Variants in CEP112 observed in about 807,000 individuals in gnomAD.
CEP112 encodes centrosomal protein of 112 kDa.
A neutral mutation model predicts 153.0 loss-of-function variants in CEP112; 127 were observed. That is an observed-to-expected ratio of 0.83 (90% CI 0.72 to 0.96). CEP112 has a LOEUF of 0.96. Among genes scored for constraint, CEP112 ranks in the 40% least tolerant of loss-of-function variants. The probability of loss-of-function intolerance (pLI) is 0.00; values close to 1 mark genes in which losing one functional copy is unlikely to be tolerated. For missense variants in CEP112, 1,089 were observed against 1,101.2 expected (o/e 0.99, Z 0.16); for synonymous variants, 358 against 374.4 (o/e 0.96, Z 0.51).
chr17:65,710,738 T>TCA (rs1453764553), intron 23 of CEP112, among the ~76,000 whole-genome samples: 1 of 152,188 alleles, frequency 6.6e-6, no homozygotes, highest in Non-Finnish European at 1.5e-5. Flanking sequence ...AGGCTGGATG[T>TCA]CACAGTGGGA....
intron 4 of CEP112, among the ~76,000 whole-genome samples, chr17:66,144,006 T>TGGGA (rs2070818751): frequency 6.6e-6 from 1 of 152,104 alleles, no homozygotes; most frequent in Non-Finnish European, 1.5e-5. Flanking sequence ...GGTGAGTGTG[T>TGGGA]GGGAAAGAAT....
intron 23 of CEP112, among the ~76,000 whole-genome samples, chr17:65,741,914 G>GA (rs888425725): frequency 1.6e-4 from 23 of 145,736 alleles, no homozygotes; most frequent in Non-Finnish European, 1.1e-4. Context: ...ACCAGAATAT[G>GA]AAAAAAAAAT....
At chr17:65,992,791 G>A (rs937039632) in intron 17 of CEP112, among the ~76,000 whole-genome samples, 1 of 152,088 alleles carries the variant, frequency 6.6e-6, no homozygotes, top group Non-Finnish European at 1.5e-5. Flanking sequence ...ACTAAATTCA[G>A]ATTTATACTA....
chr17:66,115,868 C>A (rs562879537), intron 6 of CEP112, among the ~76,000 whole-genome samples: 7 of 152,312 alleles, frequency 4.6e-5, no homozygotes, highest in Admixed American at 4.6e-4. Context: ...AGGGCCTAGA[C>A]TGAACCCCTG....
At chr17:66,133,556 T>C (rs1360008416) in intron 4 of CEP112, among the ~76,000 whole-genome samples, 1 of 152,210 alleles carries the variant, frequency 6.6e-6, no homozygotes, top group Non-Finnish European at 1.5e-5. Context: ...TCGTCTCTAA[T>C]ATAAATATCA....
At chr17:65,809,094 C>T (rs752900148) in intron 21 of CEP112, among the ~76,000 whole-genome samples, 1 of 152,130 alleles carries the variant, frequency 6.6e-6, no homozygotes, top group Non-Finnish European at 1.5e-5. Flanking sequence ...TTATAAATTA[C>T]TCAGTGGTGT....
At chr17:66,080,406 G>A (rs561560359) in intron 8 of CEP112, among the ~76,000 whole-genome samples, 19 of 152,262 alleles carry the variant, frequency 1.2e-4, no homozygotes, top group African/African-American at 1.9e-4. Context: ...ACAAACATAC[G>A]AAGAAAAGCT....
chr17:66,122,672 T>C lies in CEP112; in HGVS notation c.642+7074A>G, dbSNP rs1441376281. 4.6e-5 allele frequency among the ~76,000 whole-genome samples: 7 copies of C among 152,204 alleles called. No homozygotes were observed. The South Asian group carries it at 1.2e-3, about 27-fold the overall frequency. On this transcript the variant is annotated intron_variant, in intron 6 of 26. Transcript: ENST00000535342. ...AATTTGATATGACACCCAGCTATTA[T>C]GTCTACTAATTGCTGGCTGTTTGTT...
intron 8 of CEP112, among the ~76,000 whole-genome samples, chr17:66,088,305 A>T (rs2068016050): frequency 1.3e-5 from 2 of 152,120 alleles, no homozygotes; most frequent in South Asian, 4.1e-4. Flanking sequence ...CCAGCCCAGC[A>T]GACTCAGTCT....
chr17:65,983,257 G>GT (rs2063291926), intron 17 of CEP112, among the ~76,000 whole-genome samples: 1 of 152,212 alleles, frequency 6.6e-6, no homozygotes, highest in Non-Finnish European at 1.5e-5. Flanking sequence ...GACTGTAGCT[G>GT]TAACTGTGGA....
chr17:65,805,616 T>G (rs2055551990), intron 21 of CEP112, among the ~76,000 whole-genome samples: 1 of 152,216 alleles, frequency 6.6e-6, no homozygotes, highest in South Asian at 2.1e-4. Context: ...GCACATATAT[T>G]GAGATTACAT....
intron 21 of CEP112, among the ~76,000 whole-genome samples, chr17:65,820,738 T>C (rs1408326761): frequency 6.6e-6 from 1 of 152,066 alleles, no homozygotes; most frequent in Non-Finnish European, 1.5e-5. Flanking sequence ...AACACCAGAA[T>C]CCATAGAAAT....
At chr17:65,678,486 A>G (rs1598289055) in intron 24 of CEP112, among the ~76,000 whole-genome samples, 2 of 152,338 alleles carry the variant, frequency 1.3e-5, no homozygotes, top group African/African-American at 4.8e-5. Context: ...TAATAAGGCT[A>G]AAATGAAAGC....
chr17:65,927,743 T>C, intron 18 of CEP112, 54 bp from the exon 19 acceptor site: 6 of 1,147,270 alleles, frequency 5.2e-6, no homozygotes, highest in African/African-American at 1.6e-5. Context: ...TTGTGTTCCA[T>C]GTTTTTGTAA....
chr17:65,852,491 T>TTCCCTCCC (rs34968799), intron 20 of CEP112, among the ~76,000 whole-genome samples: 1 of 85,960 alleles, frequency 1.2e-5, no homozygotes, highest in Non-Finnish European at 2.4e-5. Context: ...CCCTCCCTCA[T>TTCCCTCCC]TCCCTCCCTC....
chr17:66,072,480 G>C (rs972701014), intron 8 of CEP112, among the ~76,000 whole-genome samples: 1 of 152,108 alleles, frequency 6.6e-6, no homozygotes, highest in African/African-American at 2.4e-5. Flanking sequence ...TAGTGACCTT[G>C]ACATTTTTTA....
At chr17:65,640,154 AT>A (rs529025836) in intron 25 of CEP112, among the ~76,000 whole-genome samples, 33,395 of 77,902 alleles carry the variant, frequency 0.43, 5,924 homozygotes, top group Middle Eastern at 0.53. Flanking sequence ...ATATATATAT[AT>A]TTTTTTTTTT....
At position 65,813,648 on chromosome 17, in the gene CEP112, T is replaced by A. The variant is rs73344817; in HGVS notation, c.2394+38156A>T. Among the ~76,000 whole-genome samples, 1,458 of 152,312 alleles carry A rather than the reference T, an allele frequency of 9.6e-3. 31 individuals carry two copies. Among genetic ancestry groups the A allele is most frequent in the African/African-American group, 0.033 (1,391 of 41,572 alleles). On this transcript the variant is annotated intron_variant, in intron 21 of 26. Coordinates refer to ENST00000535342, the MANE Select transcript of CEP112 (RefSeq NM_001199165.4). ...TCTGAGCCTCAGTATCGCCTACAAT[T>A]CTAAAGCATTCAGTGAGTTGGGAGA...
chr17:65,956,786 A>T (rs1047199364), intron 18 of CEP112, among the ~76,000 whole-genome samples: 5 of 152,154 alleles, frequency 3.3e-5, no homozygotes, highest in African/African-American at 1.2e-4. Context: ...AAATAAAAAA[A>T]TAAAAAATTT....
Sources: gnomAD v4.1 joint callset for allele counts (sites outside exome capture counted in the v4.1 genomes callset) on GRCh38, gnomAD v4.1.1 for gene constraint, MANE v1.5 for transcripts, NCBI Gene and HGNC (gene_info 2026-07-23, HGNC 2026-07-21) for gene names.